SMYD3: variants seen among roughly 807,000 people sequenced by gnomAD.
The protein encoded by SMYD3 is SET and MYND domain containing 3.
Under a neutral mutation model 57.7 loss-of-function variants are expected in SMYD3, and 36 were observed. The observed-to-expected ratio is 0.62, with a 90% confidence interval of 0.48 to 0.82. The LOEUF (loss-of-function observed/expected upper bound fraction) is 0.82, where lower values mean the gene tolerates loss of function less well. Ranked by LOEUF, SMYD3 falls within the 40% of genes least tolerant of loss-of-function variation. The pLI, the probability that SMYD3 is intolerant of heterozygous loss-of-function variation, is 0.00. For synonymous variants in SMYD3, 211 were observed against 195.0 expected (o/e 1.08, Z -0.68); for missense variants, 515 against 538.8 (o/e 0.96, Z 0.44).
At chr1:246,300,790 G>A (rs992628212) in intron 5 of SMYD3, among the ~76,000 whole-genome samples, 1 of 152,022 alleles carries the variant, frequency 6.6e-6, no homozygotes, top group South Asian at 2.1e-4. Flanking sequence ...CACAGTGCCT[G>A]GAATACAGCC....
chr1:246,067,734 G>A (rs1399703098), intron 5 of SMYD3, among the ~76,000 whole-genome samples: 1 of 152,124 alleles, frequency 6.6e-6, no homozygotes, highest in East Asian at 1.9e-4. Flanking sequence ...ACTGCACAGC[G>A]ACGATTTACA....
At chr1:245,822,186 G>A (rs2049197407) in intron 10 of SMYD3, among the ~76,000 whole-genome samples, 1 of 152,042 alleles carries the variant, frequency 6.6e-6, no homozygotes. Flanking sequence ...AGAAAATGTG[G>A]CACATATACA....
At chr1:245,999,550 AC>A (rs2148143235) in intron 5 of SMYD3, among the ~76,000 whole-genome samples, 1 of 152,298 alleles carries the variant, frequency 6.6e-6, no homozygotes, top group African/African-American at 2.4e-5. Flanking sequence ...ATGTTTTTAA[AC>A]AACTAAGCTG....
At chr1:246,051,873 A>C (rs2060073085) in intron 5 of SMYD3, among the ~76,000 whole-genome samples, 1 of 152,290 alleles carries the variant, frequency 6.6e-6, no homozygotes, top group Non-Finnish European at 1.5e-5. Context: ...TGGAAGCAAG[A>C]GCCTTCCAAA....
In SMYD3 at chr1:246,355,098, T is replaced by C. The variant is rs2065890276; in HGVS notation, c.165-4A>G. 6.2e-7 allele frequency: 1 copy of C among 1,613,900 alleles called. No individual in the cohort carries two copies. Among genetic ancestry groups the C allele is most frequent in the Non-Finnish European group, 8.5e-7 (1 of 1,179,908 alleles). On this transcript the variant is annotated splice_region_variant and splice_polypyrimidine_tract_variant and intron_variant, in intron 1 of 11. Coordinates refer to ENST00000490107, the MANE Select transcript of SMYD3 (RefSeq NM_001167740.2). The surrounding 1 kb of genome is among the most constrained non-coding windows in gnomAD (Gnocchi z 5.0). ...GCATCGCATCAGCTTTTCCTTCCTG[T>C]GGGGAAAAAAATTAATTCTGCATTA...
chr1:246,490,948 G>A (rs2068259737), intron 1 of SMYD3, among the ~76,000 whole-genome samples: 1 of 149,478 alleles, frequency 6.7e-6, no homozygotes. Context: ...TATTAAGTAT[G>A]AGTACCTGTT....
chr1:245,771,119 T>C (rs566736830), intron 10 of SMYD3, among the ~76,000 whole-genome samples: 201 of 151,468 alleles, frequency 1.3e-3, no homozygotes, highest in African/African-American at 4.5e-3. Flanking sequence ...TATATACACA[T>C]ACATATATAT....
rs561598644 is a variant in SMYD3, at chr1:245,929,726, A to T, written c.599+144T>A. On this transcript the variant is annotated intron_variant, in intron 6 of 11. Transcript: ENST00000490107. ...GTTTTCTTTCAACTTAACATTTTCCATTTTTTTGTAATTTATTGCTAAGTT... is the reference window on the plus strand; with the variant it reads ...GTTTTCTTTCAACTTAACATTTTCCTTTTTTTTGTAATTTATTGCTAAGTT... The T allele has an allele frequency of 3.4e-5, 22 of 646,144 alleles. No individual in the cohort carries two copies. In the African/African-American group the frequency reaches 3.9e-4, roughly 11 times the overall value. 40.0% of individuals were successfully genotyped at this position (646,144 alleles called of 1,614,324 possible). A position where few individuals can be genotyped will look rare whatever the true frequency, so the allele number is the denominator to read the frequency against.
chr1:246,258,086 G>C (rs905589417), intron 5 of SMYD3, among the ~76,000 whole-genome samples: 2 of 152,090 alleles, frequency 1.3e-5, no homozygotes, highest in Non-Finnish European at 2.9e-5. Context: ...ACCCAGGCTA[G>C]AGTGCAGTGG....
intron 5 of SMYD3, among the ~76,000 whole-genome samples, chr1:246,322,106 C>T (rs537603834): frequency 2.1e-4 from 32 of 152,176 alleles, no homozygotes; most frequent in Middle Eastern, 3.4e-3. Context: ...TGGCTCACAC[C>T]AGTAATCCCA....
intron 5 of SMYD3, among the ~76,000 whole-genome samples, chr1:246,239,221 A>G (rs1572261736): frequency 6.6e-6 from 1 of 152,246 alleles, no homozygotes; most frequent in East Asian, 1.9e-4. Context: ...TACATTAGGT[A>G]TATGTCCTAA....
chr1:246,492,417 G>A (rs537054711), intron 1 of SMYD3, among the ~76,000 whole-genome samples: 20 of 152,106 alleles, frequency 1.3e-4, no homozygotes, highest in Non-Finnish European at 2.5e-4. Context: ...TCCTGACTAG[G>A]AGGAAAAAGG....
chr1:246,056,797 G>A (rs1029966566), intron 5 of SMYD3, among the ~76,000 whole-genome samples: 1 of 152,050 alleles, frequency 6.6e-6, no homozygotes, highest in African/African-American at 2.4e-5. Flanking sequence ...TAAAATGTGT[G>A]GAAAATAGGT....
intron 1 of SMYD3, among the ~76,000 whole-genome samples, chr1:246,462,681 C>T (rs1413978119): frequency 6.6e-6 from 1 of 152,152 alleles, no homozygotes; most frequent in Non-Finnish European, 1.5e-5. Flanking sequence ...TACACAAACA[C>T]ACTAAGGATT....
At chr1:246,150,620 G>A (rs1192705016) in intron 5 of SMYD3, among the ~76,000 whole-genome samples, 2 of 152,136 alleles carry the variant, frequency 1.3e-5, no homozygotes, top group East Asian at 3.8e-4. Flanking sequence ...GGAAAAACTG[G>A]GACCCAAACC....
At chr1:246,039,587 T>G (rs2059833880) in intron 5 of SMYD3, among the ~76,000 whole-genome samples, 1 of 152,154 alleles carries the variant, frequency 6.6e-6, no homozygotes, top group African/African-American at 2.4e-5. Flanking sequence ...ATGTCTCCAT[T>G]TACACAAATT....
intron 7 of SMYD3, among the ~76,000 whole-genome samples, chr1:245,926,325 G>C (rs1286290812): frequency 6.6e-6 from 1 of 152,200 alleles, no homozygotes; most frequent in Non-Finnish European, 1.5e-5. Context: ...AAACGATGAT[G>C]AATCAGGGGA....
chr1:245,933,362 T>C (rs2056830422), intron 5 of SMYD3, among the ~76,000 whole-genome samples: 2 of 152,220 alleles, frequency 1.3e-5, no homozygotes. Context: ...TGAGTATTAC[T>C]TTAGAAATTT....
At chr1:246,156,259 G>GA (rs1051623693) in intron 5 of SMYD3, among the ~76,000 whole-genome samples, 1 of 151,966 alleles carries the variant, frequency 6.6e-6, no homozygotes, top group Non-Finnish European at 1.5e-5. Flanking sequence ...AAATGGGCAA[G>GA]AAAAAAGTGA....
Sources: gnomAD v4.1 joint callset for allele counts (sites outside exome capture counted in the v4.1 genomes callset) on GRCh38, gnomAD v4.1.1 for gene constraint, Gnocchi (gnomAD v3.1) non-coding constraint, MANE v1.5 for transcripts, NCBI Gene and HGNC (gene_info 2026-07-23, HGNC 2026-07-21) for gene names.